MDFIC2: variants seen among roughly 807,000 people sequenced by gnomAD.
MDFIC2 encodes myoD family inhibitor domain-containing protein 2.
At chr3:70,208,317 G>C (rs971189528) in intron 2 of MDFIC2, among the ~76,000 whole-genome samples, 4 of 151,992 alleles carry the variant, frequency 2.6e-5, no homozygotes, top group Non-Finnish European at 5.9e-5. Flanking sequence ...AACCTGGTTT[G>C]ATTTTACCAT....
rs1337841399 is a variant in MDFIC2, at chr3:70,250,530, T to C, written c.89-43740A>G. 3.9e-5 allele frequency among the ~76,000 whole-genome samples: 6 copies of C among 152,156 alleles called. No homozygotes were observed. The South Asian group carries it at 1.2e-3, about 32-fold the overall frequency. ...TCTTTGAGCTTTTAGATAAATATTT[T>C]CAACTAATACTTAAAAGAAAAACCA... On this transcript the variant is annotated intron_variant, in intron 2 of 3. Transcript: ENST00000567252.
chr3:70,306,301 C>T (rs568002189), intron 2 of MDFIC2, among the ~76,000 whole-genome samples: 4 of 152,120 alleles, frequency 2.6e-5, no homozygotes, highest in South Asian at 2.1e-4. Flanking sequence ...TTAGTAAAGA[C>T]GGGGTTTCAC....
chr3:70,253,145 T>C (rs1047353207), intron 2 of MDFIC2, among the ~76,000 whole-genome samples: 1 of 152,072 alleles, frequency 6.6e-6, no homozygotes, highest in Admixed American at 6.6e-5. Flanking sequence ...TTGTGATAAG[T>C]GCTAAAGAGA....
At chr3:70,223,661 A>C (rs1295064950) in intron 2 of MDFIC2, among the ~76,000 whole-genome samples, 1 of 152,170 alleles carries the variant, frequency 6.6e-6, no homozygotes, top group Non-Finnish European at 1.5e-5. Flanking sequence ...CATTCCCAAG[A>C]CTTAAGTCTG....
intron 3 of MDFIC2, chr3:70,205,002 A>G (rs1261132682): frequency 3.3e-5 from 5 of 152,270 alleles, no homozygotes; most frequent in Non-Finnish European, 7.4e-5. Context: ...CTTGACTGGC[A>G]TTAATCTCTA....
At chr3:70,215,330 G>A (rs1395616673) in intron 2 of MDFIC2, among the ~76,000 whole-genome samples, 4 of 151,988 alleles carry the variant, frequency 2.6e-5, no homozygotes, top group African/African-American at 4.8e-5. Flanking sequence ...TTTGCATTTC[G>A]AAACTGCTTC....
chr3:70,216,996 A>T (rs970130480), intron 2 of MDFIC2, among the ~76,000 whole-genome samples: 1 of 152,154 alleles, frequency 6.6e-6, no homozygotes, highest in African/African-American at 2.4e-5. Context: ...CTTTAATCTC[A>T]TAGCCCTGAT....
rs186932038 is a variant in MDFIC2 at position 70,296,885 on chromosome 3, T to C, written c.88+15001A>G. Among the ~76,000 whole-genome samples, 187 of 152,148 alleles carry C rather than the reference T, an allele frequency of 1.2e-3. 1 individual carries two copies. The highest frequency in any genetic ancestry group is 4.4e-3 in the African/African-American group (181 of 41,528). On this transcript the variant is annotated intron_variant, in intron 2 of 3. Coordinates refer to ENST00000567252, the MANE Select transcript of MDFIC2 (RefSeq NM_001364677.1). Reference sequence around the variant, plus strand: ...TCTGTGCTTAGTGCCATTTAATGTTTCCCATTGCCCTTAGAGTAAACTTTC... The same window carrying C: ...TCTGTGCTTAGTGCCATTTAATGTTCCCCATTGCCCTTAGAGTAAACTTTC...
intron 2 of MDFIC2, among the ~76,000 whole-genome samples, chr3:70,218,156 T>G (rs983204502): frequency 2.0e-5 from 3 of 152,168 alleles, no homozygotes; most frequent in African/African-American, 7.2e-5. Flanking sequence ...TTTAGCCCAG[T>G]GGTCTCCAAA....
At position 70,195,316 on chromosome 3, in the gene MDFIC2, G is replaced by A. The variant is rs1165183849; in HGVS notation, c.*1610C>T. ...AAGACTTTTTCATGGAAGGTGTGGG[G>A]CACTTTCATGCTCCGTGGTTTGTGA... On this transcript the variant is annotated 3_prime_UTR_variant, in exon 4 of 4. Transcript: ENST00000567252. Among the ~76,000 whole-genome samples the A allele has an allele frequency of 6.6e-6, 1 of 152,142 alleles. No individual in the cohort carries two copies. The highest frequency in any genetic ancestry group is 1.5e-5 in the Non-Finnish European group (1 of 68,028).
intron 3 of MDFIC2, among the ~76,000 whole-genome samples, chr3:70,203,311 G>A (rs1434483728): frequency 3.9e-5 from 6 of 152,078 alleles, no homozygotes; most frequent in Admixed American, 6.6e-5. Flanking sequence ...GTTTCCAAAA[G>A]TGTAAAAATC....
At chr3:70,251,852 A>T (rs1043217669) in intron 2 of MDFIC2, among the ~76,000 whole-genome samples, 1 of 152,182 alleles carries the variant, frequency 6.6e-6, no homozygotes, top group Non-Finnish European at 1.5e-5. Flanking sequence ...ACTCATAGAT[A>T]AGCAAGAAAG....
At chr3:70,229,692 A>C (rs1298982904) in intron 2 of MDFIC2, among the ~76,000 whole-genome samples, 1 of 152,186 alleles carries the variant, frequency 6.6e-6, no homozygotes, top group Non-Finnish European at 1.5e-5. Context: ...GCCCCTAAAA[A>C]TGACAGAGCC....
At chr3:70,202,761 C>G (rs1439513431) in intron 3 of MDFIC2, among the ~76,000 whole-genome samples, 1 of 152,106 alleles carries the variant, frequency 6.6e-6, no homozygotes, top group East Asian at 1.9e-4. Flanking sequence ...CTGTGATGAG[C>G]AAAGTGATAC....
At chr3:70,266,259 G>A (rs1701916250) in intron 2 of MDFIC2, among the ~76,000 whole-genome samples, 3 of 151,846 alleles carry the variant, frequency 2.0e-5, no homozygotes, top group Non-Finnish European at 4.4e-5. Flanking sequence ...GACCTATTAT[G>A]ACTTATATTT....
chr3:70,312,036 G>C, intron 1 of MDFIC2, 63 bp from the exon 2 acceptor site: 1 of 396,286 alleles, frequency 2.5e-6, no homozygotes, highest in Non-Finnish European at 4.4e-6. Flanking sequence ...ATAACATCGA[G>C]TTTTATATTT....
chr3:70,275,508 C>A (rs1702015496), intron 2 of MDFIC2, among the ~76,000 whole-genome samples: 1 of 152,200 alleles, frequency 6.6e-6, no homozygotes, highest in Admixed American at 6.5e-5. Context: ...CAAAGCAAGA[C>A]CCTGTCTCAA....
At chr3:70,290,612 T>C (rs946786318) in intron 2 of MDFIC2, among the ~76,000 whole-genome samples, 12 of 152,248 alleles carry the variant, frequency 7.9e-5, no homozygotes, top group Non-Finnish European at 1.6e-4. Context: ...CGGGCTGTTT[T>C]GATTACCTCA....
intron 2 of MDFIC2, among the ~76,000 whole-genome samples, chr3:70,215,282 C>T (rs11128169): frequency 0.45 from 68,000 of 151,824 alleles, 15,499 homozygotes; most frequent in East Asian, 0.71. Context: ...AGAGCTAGTA[C>T]TTGAACTTAC....
Sources: gnomAD v4.1 joint callset for allele counts (sites outside exome capture counted in the v4.1 genomes callset) on GRCh38, gnomAD v4.1.1 for gene constraint, MANE v1.5 for transcripts, NCBI Gene and HGNC (gene_info 2026-07-23, HGNC 2026-07-21) for gene names.